The following KCNK3 variants were observed in gnomAD, a reference collection of about 807,000 sequenced individuals.
KCNK3 encodes potassium channel subfamily K member 3.
Under a neutral mutation model 27.3 loss-of-function variants are expected in KCNK3, and 9 were observed. That is an observed-to-expected ratio of 0.33 (90% CI 0.20 to 0.57). The LOEUF is 0.57. Ranked by LOEUF, KCNK3 falls within the 20% of genes least tolerant of loss-of-function variation. KCNK3 has a pLI of 0.87. For synonymous variants in KCNK3, 278 were observed against 273.8 expected (o/e 1.02, Z -0.15); for missense variants, 391 against 577.7 (o/e 0.68, Z 3.31).
intron 1 of KCNK3, among the ~76,000 whole-genome samples, chr2:26,698,281 G>T (rs147825317): frequency 1.3e-5 from 2 of 152,172 alleles, no homozygotes; most frequent in Non-Finnish European, 2.9e-5. Context: ...GCCCGTGGGC[G>T]TGCTTCGACC....
At chr2:26,703,069 T>C (rs1224125074) in intron 1 of KCNK3, among the ~76,000 whole-genome samples, 1 of 152,062 alleles carries the variant, frequency 6.6e-6, no homozygotes. Context: ...TGAGCCAAGA[T>C]TGCACCACTG....
intron 1 of KCNK3, among the ~76,000 whole-genome samples, chr2:26,724,008 C>T (rs1485023006): frequency 1.3e-5 from 2 of 152,230 alleles, no homozygotes; most frequent in Admixed American, 6.5e-5. Flanking sequence ...CCCCCTGCCT[C>T]ATAAAGCCAA....
chr2:26,719,734 A>G (rs1663293060), intron 1 of KCNK3, among the ~76,000 whole-genome samples: 1 of 152,238 alleles, frequency 6.6e-6, no homozygotes, highest in African/African-American at 2.4e-5. Flanking sequence ...TCCTGGCTAC[A>G]TCACCAACTC....
chr2:26,718,489 A>G (rs763150583), intron 1 of KCNK3, among the ~76,000 whole-genome samples: 21 of 152,238 alleles, frequency 1.4e-4, no homozygotes, highest in Non-Finnish European at 2.5e-4. Context: ...TGTAGTGAAG[A>G]ATTTATAAGA....
Position 26,728,891 on chromosome 2 carries a change from G to T in KCNK3, c.*323G>T. On this transcript the variant is annotated 3_prime_UTR_variant, in exon 2 of 2. Coordinates refer to ENST00000302909, the MANE Select transcript of KCNK3 (RefSeq NM_002246.3). ...GCTCCCAGTCCTCAGAGACCCTGCT[G>T]GTACCCAGACCCCCACCTTCGGAGG... The T allele has an allele frequency of 3.4e-6, 1 of 297,658 alleles. No homozygotes were observed. The highest frequency in any genetic ancestry group is 6.2e-6 in the Non-Finnish European group (1 of 161,976). 18.4% of individuals were successfully genotyped at this position (297,658 alleles called of 1,614,324 possible).
intron 1 of KCNK3, among the ~76,000 whole-genome samples, chr2:26,724,078 C>T (rs1201095859): frequency 6.6e-6 from 1 of 152,238 alleles, no homozygotes; most frequent in Non-Finnish European, 1.5e-5. Context: ...ACGGGTCTTG[C>T]CAAACTCCCA....
chr2:26,706,016 C>T (rs1296316333), intron 1 of KCNK3, among the ~76,000 whole-genome samples: 1 of 152,118 alleles, frequency 6.6e-6, no homozygotes, highest in Non-Finnish European at 1.5e-5. Context: ...GCCCAGGAGG[C>T]TTCAAGTCTG....
At chr2:26,694,458 C>T (rs1670209866) in intron 1 of KCNK3, among the ~76,000 whole-genome samples, 1 of 152,166 alleles carries the variant, frequency 6.6e-6, no homozygotes, top group Non-Finnish European at 1.5e-5. Context: ...AAAGGCAGGA[C>T]TAGACACTCT....
Position 26,693,254 on chromosome 2 carries a change from C to T in KCNK3, c.283+96C>T. ...GCTGGGGCTGGGGGCGGGGGCTCCC[C>T]CGAGAGGGGCTGGGCGCCGAACCCT... On this transcript the variant is annotated intron_variant, in intron 1 of 1. Coordinates refer to ENST00000302909, the MANE Select transcript of KCNK3 (RefSeq NM_002246.3). The surrounding 1 kb of genome is among the most constrained non-coding windows in gnomAD (Gnocchi z 5.5). 8.4e-7 allele frequency: 1 copy of T among 1,184,616 alleles called. No individual in the cohort carries two copies. The allele number at this position is 1,184,616 out of a possible 1,614,324, so 73.4% of individuals were successfully genotyped here. A position where few individuals can be genotyped will look rare whatever the true frequency, so the allele number is the denominator to read the frequency against.
intron 1 of KCNK3, among the ~76,000 whole-genome samples, chr2:26,714,707 G>A (rs1438873701): frequency 6.6e-6 from 1 of 151,634 alleles, no homozygotes; most frequent in Admixed American, 6.6e-5. Flanking sequence ...CCAACATGGC[G>A]AAACCCTGTC....
chr2:26,703,864 C>T (rs554600058), intron 1 of KCNK3, among the ~76,000 whole-genome samples: 2 of 152,300 alleles, frequency 1.3e-5, no homozygotes, highest in African/African-American at 4.8e-5. Flanking sequence ...CCAGAGCTTT[C>T]TGCGGTGAGC....
At chr2:26,697,947 C>G (rs1479165034) in intron 1 of KCNK3, among the ~76,000 whole-genome samples, 1 of 152,130 alleles carries the variant, frequency 6.6e-6, no homozygotes, top group Non-Finnish European at 1.5e-5. Context: ...CCCCCAAAAT[C>G]CCAGAGGTCC....
chr2:26,715,690 G>A (rs1330981855), intron 1 of KCNK3, among the ~76,000 whole-genome samples: 3 of 152,224 alleles, frequency 2.0e-5, no homozygotes, highest in Non-Finnish European at 2.9e-5. Flanking sequence ...AGGGCCGGGA[G>A]GGTGTAGGGG....
At chr2:26,708,608 G>A (rs1663035290) in intron 1 of KCNK3, among the ~76,000 whole-genome samples, 1 of 152,224 alleles carries the variant, frequency 6.6e-6, no homozygotes, top group Non-Finnish European at 1.5e-5. Context: ...GAACCTGGGA[G>A]GCGGAGGTTG....
chr2:26,704,337 G>T (rs541936116), intron 1 of KCNK3, among the ~76,000 whole-genome samples: 1 of 152,054 alleles, frequency 6.6e-6, no homozygotes, highest in Non-Finnish European at 1.5e-5. Context: ...ACAACCCCAG[G>T]CCCCTGCTCT....
At chr2:26,715,349 G>A (rs1663210708) in intron 1 of KCNK3, among the ~76,000 whole-genome samples, 1 of 152,214 alleles carries the variant, frequency 6.6e-6, no homozygotes, top group South Asian at 2.1e-4. Flanking sequence ...TATTACTACG[G>A]CTGCTTTTGT....
intron 1 of KCNK3, among the ~76,000 whole-genome samples, chr2:26,700,857 C>G (rs1670299621): frequency 6.6e-6 from 1 of 152,190 alleles, no homozygotes; most frequent in Non-Finnish European, 1.5e-5. Context: ...GGAGCAGACA[C>G]TTCCCTGGTG....
chr2:26,728,510 C>A lies in KCNK3; in HGVS notation c.1127C>A (p.Thr376Lys). ...APRSAISSVSTGLHSLSTFRG... is the reference protein window; with the variant it reads ...APRSAISSVSKGLHSLSTFRG... ...CGCTCCGCCATCAGCTCGGTGTCCA[C>A]GGGTCTGCACAGCCTGTCCACCTTC... The change falls in exon 2 of 2, where the codon ACG becomes AAG. Residue 376 changes from threonine to lysine, a missense_variant. Physicochemically the swap from Thr to Lys is moderately conservative, Grantham distance 78. Coordinates refer to ENST00000302909, the MANE Select transcript of KCNK3 (RefSeq NM_002246.3). 1 of 1,507,770 alleles carries A rather than the reference C, an allele frequency of 6.6e-7. No individual in the cohort carries two copies. Among genetic ancestry groups the A allele is most frequent in the Non-Finnish European group, 8.9e-7 (1 of 1,125,490 alleles). 93.4% of individuals were successfully genotyped at this position (1,507,770 alleles called of 1,614,324 possible).
At chr2:26,708,085 T>C (rs1291383382) in intron 1 of KCNK3, among the ~76,000 whole-genome samples, 1 of 152,146 alleles carries the variant, frequency 6.6e-6, no homozygotes. Flanking sequence ...AACTAAATTA[T>C]GTTGTAAAAA....
Sources: allele counts gnomAD v4.1 joint callset (sites outside exome capture counted in the v4.1 genomes callset), GRCh38; gene constraint gnomAD v4.1.1; non-coding constraint Gnocchi (gnomAD v3.1); transcripts MANE v1.5; gene names NCBI Gene and HGNC (gene_info 2026-07-23, HGNC 2026-07-21).